Variants in ITPR1 observed in about 807,000 individuals in gnomAD.
The protein encoded by ITPR1 is inositol 1,4,5-trisphosphate receptor type 1, also known as inositol 1,4,5-trisphosphate-gated calcium channel ITPR1.
Under a neutral mutation model 318.4 loss-of-function variants are expected in ITPR1, and 96 were observed. The observed-to-expected ratio is 0.30, with a 90% CI of 0.26 to 0.36. ITPR1 has a LOEUF of 0.36. Ranked by LOEUF, ITPR1 falls within the 10% of genes least tolerant of loss-of-function variation. The probability of loss-of-function intolerance (pLI) is 1.00; values close to 1 mark genes in which losing one functional copy is unlikely to be tolerated. For synonymous variants in ITPR1, 1,312 were observed against 1,289.9 expected (o/e 1.02, Z -0.37); for missense variants, 2,440 against 3,460.2 (o/e 0.71, Z 7.40).
At chr3:4,616,357 A>T (rs563832480) in intron 4 of ITPR1, among the ~76,000 whole-genome samples, 1 of 149,182 alleles carries the variant, frequency 6.7e-6, no homozygotes, top group Non-Finnish European at 1.5e-5. Context: ...GGATTATTTT[A>T]TATTCCCCTC....
intron 44 of ITPR1, among the ~76,000 whole-genome samples, chr3:4,747,494 T>A (rs1447403794): frequency 6.6e-6 from 1 of 152,180 alleles, no homozygotes; most frequent in Non-Finnish European, 1.5e-5. Context: ...CCAGGCAGAT[T>A]GGAAGTTGTG....
At chr3:4,807,127 GGCTT>G (rs772765020) in intron 55 of ITPR1, among the ~76,000 whole-genome samples, 785 of 3,648 alleles carry the variant, frequency 0.22, 44 homozygotes, top group South Asian at 0.54. Context: ...AAGAGAGGGG[GGCTT>G]ACAAAGAGAG....
chr3:4,709,624 C>T (rs554074454), intron 37 of ITPR1, among the ~76,000 whole-genome samples: 5 of 152,344 alleles, frequency 3.3e-5, no homozygotes, highest in African/African-American at 1.2e-4. Context: ...TATCATTTGC[C>T]TTCAAATGGT....
At chr3:4,609,083 T>TACAC (rs1454800197) in intron 4 of ITPR1, among the ~76,000 whole-genome samples, 4 of 92,362 alleles carry the variant, frequency 4.3e-5, no homozygotes, top group East Asian at 3.1e-4. Flanking sequence ...TATATATATA[T>TACAC]ATATATACAC....
At position 4,691,120 on chromosome 3, in the gene ITPR1, C is replaced by T. The variant is rs554753765; in HGVS notation, c.3829-24C>T. Reference sequence around the variant, plus strand: ...GTCAGCTTTTTGACTTGTCCCTGTGCTCTTTTCCTCACTCTTGTGCCAGAT... The same window carrying T: ...GTCAGCTTTTTGACTTGTCCCTGTGTTCTTTTCCTCACTCTTGTGCCAGAT... On this transcript the variant is annotated intron_variant, in intron 31 of 61. Transcript: ENST00000649015. 14 of 1,555,406 alleles carry T rather than the reference C, an allele frequency of 9.0e-6. No individual in the cohort carries two copies. The African/African-American group carries it at 1.5e-4, about 17-fold the overall frequency.
chr3:4,634,749 G>A (rs1447919058), intron 5 of ITPR1, among the ~76,000 whole-genome samples: 2 of 151,984 alleles, frequency 1.3e-5, no homozygotes, highest in Middle Eastern at 3.2e-3. Context: ...GTATCAACAG[G>A]AGTGTGCTAT....
At chr3:4,595,905 A>G (rs1310574273) in intron 4 of ITPR1, among the ~76,000 whole-genome samples, 3 of 152,146 alleles carry the variant, frequency 2.0e-5, no homozygotes, top group African/African-American at 7.2e-5. Flanking sequence ...TCGTAGATGA[A>G]GAACTATGGT....
chr3:4,584,548 A>G (rs1487799909), intron 4 of ITPR1, among the ~76,000 whole-genome samples: 1 of 107,198 alleles, frequency 9.3e-6, no homozygotes, highest in African/African-American at 3.4e-5. Context: ...CTTTGCCCAG[A>G]GAGTTAGTGG....
intron 49 of ITPR1, among the ~76,000 whole-genome samples, chr3:4,781,481 G>A (rs1370097051): frequency 6.6e-6 from 1 of 152,110 alleles, no homozygotes; most frequent in African/African-American, 2.4e-5. Flanking sequence ...AAGAAACTGA[G>A]ACAGAAACTT....
intron 56 of ITPR1, chr3:4,812,924 A>G (rs1257535680): frequency 3.5e-6 from 2 of 567,878 alleles, no homozygotes; most frequent in African/African-American, 3.8e-5. Flanking sequence ...TAAGTGCGAT[A>G]TTTCTAGTAA....
intron 4 of ITPR1, among the ~76,000 whole-genome samples, chr3:4,592,394 G>A (rs555672448): frequency 5.9e-5 from 9 of 152,144 alleles, no homozygotes; most frequent in East Asian, 1.9e-4. Context: ...TAAAATATAC[G>A]GTCTTTCATC....
intron 5 of ITPR1, among the ~76,000 whole-genome samples, chr3:4,638,999 A>G (rs905984949): frequency 6.6e-6 from 1 of 152,170 alleles, no homozygotes; most frequent in African/African-American, 2.4e-5. Context: ...CAGCATTTAA[A>G]TTCAATCTTC....
intron 4 of ITPR1, among the ~76,000 whole-genome samples, chr3:4,607,742 G>T (rs1406050702): frequency 1.3e-5 from 2 of 152,004 alleles, no homozygotes; most frequent in East Asian, 1.9e-4. Flanking sequence ...TTGCTTCTGG[G>T]TTGGGCCACT....
At chr3:4,776,413 A>G (rs765880842) in intron 47 of ITPR1, among the ~76,000 whole-genome samples, 1 of 152,162 alleles carries the variant, frequency 6.6e-6, no homozygotes, top group African/African-American at 2.4e-5. Flanking sequence ...TCCTAACTGG[A>G]GAGAGACGAC....
At chr3:4,840,464 T>TTTG (rs769287993) in intron 61 of ITPR1, among the ~76,000 whole-genome samples, 4 of 152,082 alleles carry the variant, frequency 2.6e-5, no homozygotes, top group Non-Finnish European at 4.4e-5. Context: ...TTTTTTTTGT[T>TTTG]TTGTTGTTGT....
intron 4 of ITPR1, among the ~76,000 whole-genome samples, chr3:4,601,455 G>C (rs1472400180): frequency 6.6e-6 from 1 of 151,358 alleles, no homozygotes; most frequent in Non-Finnish European, 1.5e-5. Context: ...GGAGGTCGAG[G>C]CTGCACTGCA....
chr3:4,595,607 A>G (rs1027940316), intron 4 of ITPR1, among the ~76,000 whole-genome samples: 4 of 152,130 alleles, frequency 2.6e-5, no homozygotes, highest in African/African-American at 4.8e-5. Context: ...TGGCCATTTT[A>G]TGTATGAGGA....
Position 4,652,131 on chromosome 3 carries a change from G to T in ITPR1, c.864G>T (p.Gln288His), listed in dbSNP as rs372668740. Residue 288 changes from glutamine to histidine, a missense_variant, in exon 11 of 62, where the codon CAG becomes CAT. Coordinates refer to ENST00000649015, the MANE Select transcript of ITPR1 (RefSeq NM_001378452.1). ...SKALWEVEVV[Q>H]HDPCRGGAGY... ...GTTGATCATTCTTGCAGGTGGTCCA[G>T]CATGACCCATGTCGGGGCGGAGCAG... is the stretch of plus-strand genomic sequence containing the variant. The T allele has an allele frequency of 4.3e-6, 7 of 1,611,388 alleles. No homozygotes were observed. In the African/African-American group the frequency reaches 8.0e-5, roughly 18 times the overall value.
intron 34 of ITPR1, 67 bp from the exon 35 acceptor site, chr3:4,699,746 G>T (rs149009469): frequency 6.5e-7 from 1 of 1,534,522 alleles, no homozygotes; most frequent in African/African-American, 1.4e-5. Flanking sequence ...ACAGGAGGGA[G>T]TCGCAGATTT....
Sources: allele counts gnomAD v4.1 joint callset (sites outside exome capture counted in the v4.1 genomes callset), GRCh38; gene constraint gnomAD v4.1.1; transcripts MANE v1.5; gene names NCBI Gene and HGNC (gene_info 2026-07-23, HGNC 2026-07-21).